The following SLC1A2 variants were observed in gnomAD, a reference collection of about 807,000 sequenced individuals.
The protein encoded by SLC1A2 is solute carrier family 1 member 2.
In SLC1A2, 15 loss-of-function variants were observed where a neutral mutation model predicts 48.8. The ratio of observed to expected loss-of-function variants is 0.31; its 90% CI spans 0.21 to 0.47. The LOEUF (loss-of-function observed/expected upper bound fraction) is 0.47. Among genes scored for constraint, SLC1A2 ranks in the 20% least tolerant of loss-of-function variants. The pLI is 0.99. For missense variants in SLC1A2, 502 were observed against 730.5 expected (o/e 0.69, Z 3.61); for synonymous variants, 279 against 272.6 (o/e 1.02, Z -0.23).
At chr11:35,419,684 C>G (rs1855727043), upstream of SLC1A2, 1 of 163,118 alleles carries the variant, frequency 6.1e-6, no homozygotes, top group Admixed American at 6.5e-5. This position sits in a 1 kb window ranked among gnomAD's most constrained non-coding sequence, Gnocchi z 5.4. Context: ...AAAGAGGCCC[C>G]GCCGCTCGTC....
Position 35,286,867 on chromosome 11 carries a change from A to C in SLC1A2, c.1176T>G (p.Val392=). The C allele has an allele frequency of 6.2e-7, 1 of 1,614,096 alleles. No individual in the cohort carries two copies. Among genetic ancestry groups the C allele is most frequent in the South Asian group, 1.1e-5 (1 of 91,078 alleles). Residue 392 remains valine (V), a synonymous_variant, in exon 8 of 11, where the codon GTT becomes GTG. Coordinates refer to ENST00000278379, the MANE Select transcript of SLC1A2 (RefSeq NM_004171.4). ...TACCATCCATGTTAATGGTTGCTCCAACAGGAAGGACGAATCTAGTCACAC... is the reference window on the plus strand; with the variant it reads ...TACCATCCATGTTAATGGTTGCTCCCACAGGAAGGACGAATCTAGTCACAC... ...DKRVTRFVLP[V]GATINMDGTA...
chr11:35,388,145 G>A (rs1391540418), intron 1 of SLC1A2, among the ~76,000 whole-genome samples: 3 of 152,174 alleles, frequency 2.0e-5, no homozygotes, highest in African/African-American at 7.2e-5. Flanking sequence ...AGGAAGAAAT[G>A]GGATCCCATT....
chr11:35,315,808 A>AAAGAAAG (rs1555003269), intron 2 of SLC1A2: 2 of 139,368 alleles, frequency 1.4e-5, no homozygotes, highest in East Asian at 4.2e-4. Context: ...AAAAAAAAAA[A>AAAGAAAG]AAAGAAAGAA....
rs1950373294 is a variant in SLC1A2 at position 35,260,274 on chromosome 11, ACT to A, written c.*618_*619del. On this transcript the variant is annotated 3_prime_UTR_variant, in exon 11 of 11. Coordinates refer to ENST00000278379, the MANE Select transcript of SLC1A2 (RefSeq NM_004171.4). ...AGAGATGTAACAGGTTCTTTAATCA[ACT>A]GCCTTTAAGAGCATGGCTCCCTTTA... 2 of 152,430 alleles carry A rather than the reference ACT, an allele frequency of 1.3e-5. No homozygotes were observed. The highest frequency in any genetic ancestry group is 2.9e-5 in the Non-Finnish European group (2 of 68,188). The allele number at this position is 152,430 out of a possible 1,614,324, so 9.4% of individuals were successfully genotyped here.
At chr11:35,331,003 A>G (rs1852407712) in intron 1 of SLC1A2, among the ~76,000 whole-genome samples, 1 of 152,248 alleles carries the variant, frequency 6.6e-6, no homozygotes, top group East Asian at 1.9e-4. Flanking sequence ...CTTATGCTAC[A>G]CTATCTCATT....
chr11:35,276,972 G>A (rs1850460790), intron 9 of SLC1A2, among the ~76,000 whole-genome samples: 1 of 152,094 alleles, frequency 6.6e-6, no homozygotes. Flanking sequence ...CAAGAAACTG[G>A]TATCTGGTAA....
intron 1 of SLC1A2, among the ~76,000 whole-genome samples, chr11:35,417,900 T>C (rs1855660471): frequency 6.6e-6 from 1 of 152,206 alleles, no homozygotes; most frequent in African/African-American, 2.4e-5. Context: ...TTGGTAAAAT[T>C]TCTTAGGAGA....
intron 1 of SLC1A2, among the ~76,000 whole-genome samples, chr11:35,375,102 A>G (rs1262543634): frequency 6.6e-6 from 1 of 152,252 alleles, no homozygotes; most frequent in African/African-American, 2.4e-5. Flanking sequence ...GTGAGGACTT[A>G]CTGTATGACT....
chr11:35,334,283 AC>A (rs1167427960), intron 1 of SLC1A2, among the ~76,000 whole-genome samples: 2 of 152,136 alleles, frequency 1.3e-5, no homozygotes, highest in Admixed American at 6.6e-5. Context: ...TCATGTGCAT[AC>A]CTGCCTGGCT....
chr11:35,272,868 G>A (rs764432910), intron 9 of SLC1A2, among the ~76,000 whole-genome samples: 4 of 152,106 alleles, frequency 2.6e-5, no homozygotes, highest in Admixed American at 6.5e-5. Context: ...TGAGAGAGGG[G>A]CTTGACCGAG....
intron 1 of SLC1A2, chr11:35,359,991 C>A (rs1289132608): frequency 1.8e-6 from 1 of 555,748 alleles, no homozygotes; most frequent in Non-Finnish European, 2.3e-6. Context: ...ACTGATTCCT[C>A]CCTTCTCATC....
At chr11:35,370,166 C>T (rs1008580462) in intron 1 of SLC1A2, among the ~76,000 whole-genome samples, 2 of 152,206 alleles carry the variant, frequency 1.3e-5, no homozygotes, top group African/African-American at 2.4e-5. Context: ...TCCAATTTAA[C>T]CTGCACAACA....
intron 9 of SLC1A2, among the ~76,000 whole-genome samples, chr11:35,267,705 G>A (rs964608654): frequency 2.0e-5 from 3 of 151,878 alleles, no homozygotes; most frequent in Admixed American, 6.6e-5. Context: ...CTCCTGGAAT[G>A]TATCCTGAGT....
At chr11:35,343,985 A>C (rs113685570) in intron 1 of SLC1A2, among the ~76,000 whole-genome samples, 6 of 152,300 alleles carry the variant, frequency 3.9e-5, no homozygotes, top group African/African-American at 1.4e-4. Context: ...AAATGTCTGG[A>C]ACCCAAGACA....
chr11:35,289,116 C>T (rs1421054677), intron 7 of SLC1A2, among the ~76,000 whole-genome samples: 3 of 152,184 alleles, frequency 2.0e-5, no homozygotes. Flanking sequence ...TTAGTTTTAA[C>T]AGACTGCACT....
chr11:35,371,192 A>C, intron 1 of SLC1A2: 1 of 409,268 alleles, frequency 2.4e-6, no homozygotes, highest in Non-Finnish European at 3.3e-6. Context: ...CTCTGAATGC[A>C]AGCCCCATTT....
At chr11:35,317,848 A>G (rs1261565366) in intron 1 of SLC1A2, among the ~76,000 whole-genome samples, 2 of 152,120 alleles carry the variant, frequency 1.3e-5, no homozygotes, top group Non-Finnish European at 2.9e-5. Flanking sequence ...TAAAATAGAG[A>G]TCCAAATCCA....
At chr11:35,270,032 G>A (rs1260640810) in intron 9 of SLC1A2, among the ~76,000 whole-genome samples, 3 of 152,154 alleles carry the variant, frequency 2.0e-5, no homozygotes, top group East Asian at 1.9e-4. Flanking sequence ...GTTTGAGCCC[G>A]GTAGGCAGAG....
chr11:35,412,623 A>G (rs1462352666), intron 1 of SLC1A2, among the ~76,000 whole-genome samples: 1 of 152,254 alleles, frequency 6.6e-6, no homozygotes, highest in Non-Finnish European at 1.5e-5. Context: ...TGCATCTGCT[A>G]TGAAATAAAT....
Sources: allele counts gnomAD v4.1 joint callset (sites outside exome capture counted in the v4.1 genomes callset), GRCh38; gene constraint gnomAD v4.1.1; non-coding constraint Gnocchi (gnomAD v3.1); transcripts MANE v1.5; gene names NCBI Gene and HGNC (gene_info 2026-07-23, HGNC 2026-07-21).